The following ADGRV1 variants were observed in gnomAD, a reference collection of about 807,000 sequenced individuals.
ADGRV1 encodes adhesion G protein-coupled receptor V1.
A neutral mutation model predicts 596.2 loss-of-function variants in ADGRV1; 359 were observed. That is an observed-to-expected ratio of 0.60 (90% confidence interval 0.55 to 0.66). ADGRV1 has a LOEUF of 0.66. Ranked by LOEUF, ADGRV1 falls within the 30% of genes least tolerant of loss-of-function variation. The pLI, the probability that ADGRV1 is intolerant of heterozygous loss-of-function variation, is 0.00. For synonymous variants in ADGRV1, 2,681 were observed against 2,679.2 expected (o/e 1.00, Z -0.02); for missense variants, 7,274 against 7,575.6 (o/e 0.96, Z 1.48).
chr5:91,026,037 T>C (rs974792225), intron 85 of ADGRV1, among the ~76,000 whole-genome samples: 3 of 152,096 alleles, frequency 2.0e-5, no homozygotes, highest in Non-Finnish European at 4.4e-5. Flanking sequence ...ACTCTTATTA[T>C]CACCATCCCC....
chr5:90,825,080 G>A (rs2244356), intron 76 of ADGRV1, among the ~76,000 whole-genome samples: 62,614 of 151,860 alleles, frequency 0.41, 15,170 homozygotes, highest in Admixed American at 0.59. Flanking sequence ...GGGATTATAG[G>A]TGCACACCAC....
At chr5:91,162,170 G>A (rs1261827066) in intron 89 of ADGRV1, among the ~76,000 whole-genome samples, 5 of 152,184 alleles carry the variant, frequency 3.3e-5, no homozygotes, top group Admixed American at 3.3e-4. Flanking sequence ...GACTTAGGAT[G>A]CAGAGCACAG....
intron 83 of ADGRV1, among the ~76,000 whole-genome samples, chr5:90,937,861 C>T (rs1040611131): frequency 6.6e-6 from 1 of 152,022 alleles, no homozygotes; most frequent in Non-Finnish European, 1.5e-5. Context: ...TTTTTATTGA[C>T]GGTTTTGTCT....
chr5:90,961,306 C>T (rs1777990134), intron 83 of ADGRV1, among the ~76,000 whole-genome samples: 2 of 151,930 alleles, frequency 1.3e-5, no homozygotes, highest in East Asian at 3.9e-4. Context: ...CGAGACCATC[C>T]TGGCTAACAC....
At chr5:90,728,213 C>T (rs1164738997) in intron 48 of ADGRV1, among the ~76,000 whole-genome samples, 1 of 152,174 alleles carries the variant, frequency 6.6e-6, no homozygotes, top group African/African-American at 2.4e-5. Context: ...CATACGTTGA[C>T]TGCCACCATG....
intron 77 of ADGRV1, among the ~76,000 whole-genome samples, chr5:90,834,898 C>G (rs111348726): frequency 0.011 from 1,669 of 147,814 alleles, 29 homozygotes; most frequent in African/African-American, 0.04. Flanking sequence ...TTCTTTCTTT[C>G]TCTTTCTTTT....
At chr5:90,656,097 T>C (rs1179419956) in intron 20 of ADGRV1, among the ~76,000 whole-genome samples, 3 of 152,192 alleles carry the variant, frequency 2.0e-5, no homozygotes, top group African/African-American at 7.2e-5. Flanking sequence ...AACTTTTATT[T>C]TGAATGATTT....
At chr5:90,916,075 G>A (rs1351042553) in intron 83 of ADGRV1, among the ~76,000 whole-genome samples, 2 of 152,062 alleles carry the variant, frequency 1.3e-5, no homozygotes, top group Non-Finnish European at 1.5e-5. Flanking sequence ...TGGAGAGATA[G>A]GAAGGAGGGG....
Position 90,658,115 on chromosome 5 carries a change from G to A in ADGRV1, c.4589G>A (p.Arg1530Lys), listed in dbSNP as rs1348065146. 6.2e-7 allele frequency: 1 copy of A among 1,613,856 alleles called. No homozygotes were observed. Among genetic ancestry groups the A allele is most frequent in the Non-Finnish European group, 8.5e-7 (1 of 1,179,790 alleles). The change falls in exon 21 of 90, where the codon AGA becomes AAA. Residue 1530 changes from arginine (R) to lysine (K), a missense_variant. Coordinates refer to ENST00000405460, the MANE Select transcript of ADGRV1 (RefSeq NM_032119.4). ...AACAAATCATTCATTATTTCTGCAA[G>A]AGATGACAATGACGAGGAAGGAGAA... ...ETNKSFIISA[R>K]DDNDEEGEEL...
At chr5:90,597,768 GATAA>G (rs1760882492) in intron 1 of ADGRV1, among the ~76,000 whole-genome samples, 1 of 151,866 alleles carries the variant, frequency 6.6e-6, no homozygotes, top group East Asian at 1.9e-4. Flanking sequence ...AGAAGAGGAA[GATAA>G]ATTAAGAGGT....
At chr5:91,097,574 T>G (rs1217796175) in intron 86 of ADGRV1, among the ~76,000 whole-genome samples, 4 of 152,220 alleles carry the variant, frequency 2.6e-5, no homozygotes, top group African/African-American at 9.6e-5. Flanking sequence ...GCCTTCACTT[T>G]TTTGAATATA....
intron 86 of ADGRV1, among the ~76,000 whole-genome samples, chr5:91,075,277 T>G (rs1788752757): frequency 6.6e-6 from 1 of 152,176 alleles, no homozygotes; most frequent in Non-Finnish European, 1.5e-5. Flanking sequence ...AATGGTGGTT[T>G]GTTTTTTCCT....
chr5:90,765,335 T>C (rs1293119450), intron 59 of ADGRV1, among the ~76,000 whole-genome samples: 1 of 152,094 alleles, frequency 6.6e-6, no homozygotes, highest in African/African-American at 2.4e-5. Context: ...GATTTTCTTT[T>C]GCATAGTATT....
chr5:91,054,102 T>TGTGTGAGAGAGAGA (rs1299621929), intron 85 of ADGRV1, among the ~76,000 whole-genome samples: 10 of 126,670 alleles, frequency 7.9e-5, no homozygotes, highest in African/African-American at 2.2e-4. Context: ...TGTGTGTGTG[T>TGTGTGAGAGAGAGA]GAGAGAGAGA....
rs1236962969 is a variant in ADGRV1, at chr5:90,653,295, G to A, written c.3721G>A (p.Val1241Ile). ...MVPFNDDPFG[V>I]FILDPECLER... ...TCCATTCAATGATGATCCCTTTGGA[G>A]TTTTTATCTTGGATCCAGAGTGTTT... The change falls in exon 20 of 90, where the codon GTT becomes ATT. Residue 1241 changes from valine (V) to isoleucine (I), a missense_variant. Around this residue, in one of 5 missense-constraint regions of ADGRV1, gnomAD observed 1,715 missense variants for 1,708.8 expected, o/e 1.00. Transcript: ENST00000405460. 3.1e-6 allele frequency: 5 copies of A among 1,613,826 alleles called. No homozygotes were observed. Among genetic ancestry groups the A allele is most frequent in the Non-Finnish European group, 3.4e-6 (4 of 1,179,874 alleles).
At chr5:90,868,331 G>A (rs556957062) in intron 83 of ADGRV1, among the ~76,000 whole-genome samples, 2 of 151,820 alleles carry the variant, frequency 1.3e-5, no homozygotes, top group East Asian at 1.9e-4. Flanking sequence ...CCTTTAAAAC[G>A]ACTGCACACT....
At chr5:91,033,960 T>C (rs111779512) in intron 85 of ADGRV1, among the ~76,000 whole-genome samples, 1,807 of 152,316 alleles carry the variant, frequency 0.012, 36 homozygotes, top group African/African-American at 0.042. Flanking sequence ...TCAGAGACAT[T>C]GTTCATTTAA....
chr5:90,983,141 A>G (rs1260250225), intron 84 of ADGRV1, among the ~76,000 whole-genome samples: 1 of 152,194 alleles, frequency 6.6e-6, no homozygotes, highest in Non-Finnish European at 1.5e-5. Context: ...TTTTATTTAT[A>G]ATTGGCAAAA....
chr5:90,697,228 T>C lies in ADGRV1; in HGVS notation c.8155+82T>C, dbSNP rs10942604. 0.34 allele frequency: 410,577 copies of C among 1,224,112 alleles called. 72,053 individuals are homozygous for C. Among genetic ancestry groups the C allele is most frequent in the Admixed American group, 0.54 (25,574 of 47,428 alleles). 75.8% of individuals were successfully genotyped at this position (1,224,112 alleles called of 1,614,324 possible). A position where few individuals can be genotyped will look rare whatever the true frequency, so the allele number is the denominator to read the frequency against. ...TGTCTAGTTCTTTAAAACTTGATAG[T>C]TTTTCCCTTTCATTATTTTGTTGAA... On this transcript the variant is annotated intron_variant, in intron 34 of 89. Coordinates refer to ENST00000405460, the MANE Select transcript of ADGRV1 (RefSeq NM_032119.4).
Sources: gnomAD v4.1 joint callset for allele counts (sites outside exome capture counted in the v4.1 genomes callset) on GRCh38, gnomAD v4.1.1 for gene constraint, gnomAD v4.1.1 regional missense constraint, MANE v1.5 for transcripts, NCBI Gene and HGNC (gene_info 2026-07-23, HGNC 2026-07-21) for gene names.